ELAVL2: variants seen among roughly 807,000 people sequenced by gnomAD.
ELAVL2 encodes ELAV like RNA binding protein 2.
A neutral mutation model predicts 34.6 loss-of-function variants in ELAVL2; 4 were observed. The ratio of observed to expected loss-of-function variants is 0.12; its 90% CI spans 0.06 to 0.26. The LOEUF is 0.26. Ranked by LOEUF, ELAVL2 falls within the 10% of genes least tolerant of loss-of-function variation. The pLI, the probability that ELAVL2 is intolerant of heterozygous loss-of-function variation, is 1.00. For synonymous variants in ELAVL2, 193 were observed against 154.8 expected (o/e 1.25, Z -1.83); for missense variants, 432 against 442.8 (o/e 0.98, Z 0.22).
chr9:23,717,273 T>C (rs2042556202), intron 3 of ELAVL2, among the ~76,000 whole-genome samples: 2 of 152,298 alleles, frequency 1.3e-5, no homozygotes, highest in South Asian at 2.1e-4. Context: ...ATACCATTTG[T>C]AAATACTTAA....
intron 3 of ELAVL2, among the ~76,000 whole-genome samples, chr9:23,722,250 A>G (rs1203631160): frequency 6.6e-6 from 1 of 152,262 alleles, no homozygotes; most frequent in African/African-American, 2.4e-5. Flanking sequence ...CCTTTAAACT[A>G]GCATCTACGA....
chr9:23,696,729 C>G (rs984184963), intron 5 of ELAVL2, among the ~76,000 whole-genome samples: 1 of 152,066 alleles, frequency 6.6e-6, no homozygotes, highest in Non-Finnish European at 1.5e-5. Context: ...CTTGGCCTCC[C>G]AAAGTGCTGG....
chr9:23,813,837 T>C (rs1588756575), intron 1 of ELAVL2, among the ~76,000 whole-genome samples: 1 of 152,078 alleles, frequency 6.6e-6, no homozygotes, highest in East Asian at 1.9e-4. Context: ...ATACAAGAGA[T>C]CAAACGAATA....
chr9:23,729,082 A>C (rs534096275), intron 3 of ELAVL2, among the ~76,000 whole-genome samples: 6 of 152,190 alleles, frequency 3.9e-5, no homozygotes, highest in Non-Finnish European at 8.8e-5. Flanking sequence ...AGCTGTCATC[A>C]ACTGTCTCCT....
chr9:23,711,611 C>T (rs1310380455), intron 3 of ELAVL2, among the ~76,000 whole-genome samples: 1 of 152,180 alleles, frequency 6.6e-6, no homozygotes. Flanking sequence ...ATGGGTATCA[C>T]CTAGTCCCTA....
chr9:23,807,940 A>G (rs1025995871), intron 1 of ELAVL2, among the ~76,000 whole-genome samples: 2 of 152,172 alleles, frequency 1.3e-5, no homozygotes, highest in Non-Finnish European at 2.9e-5. Context: ...TTTCAGAGTA[A>G]AAGTTGCCAA....
At chr9:23,831,895 A>G in the ELAVL2 span, among the ~76,000 whole-genome samples, 1 of 152,130 alleles carries the variant, frequency 6.6e-6, no homozygotes, top group African/African-American at 2.4e-5. Context: ...CTGTGAGGAG[A>G]AGTGGAAAAG....
chr9:23,766,879 G>A (rs146672950), intron 1 of ELAVL2, among the ~76,000 whole-genome samples: 2 of 151,756 alleles, frequency 1.3e-5, no homozygotes, highest in Non-Finnish European at 2.9e-5. Flanking sequence ...GATTCCACTG[G>A]CTCTGAAACT....
At chr9:23,752,627 G>A (rs1419715514) in intron 2 of ELAVL2, among the ~76,000 whole-genome samples, 2 of 152,010 alleles carry the variant, frequency 1.3e-5, no homozygotes, top group African/African-American at 4.8e-5. Context: ...GCTAATTTTT[G>A]TATTTTTAGT....
chr9:23,822,364 T>C (rs1449155346), intron 1 of ELAVL2, among the ~76,000 whole-genome samples: 1 of 152,116 alleles, frequency 6.6e-6, no homozygotes, highest in Non-Finnish European at 1.5e-5. Context: ...CCAGAGTACC[T>C]GTGCGGGGTG....
chr9:23,830,695 C>G (rs1017453540), upstream of ELAVL2, among the ~76,000 whole-genome samples: 4 of 149,496 alleles, frequency 2.7e-5, no homozygotes, highest in Non-Finnish European at 4.4e-5. Context: ...TGCAGATATT[C>G]AGACTAAGAT....
At chr9:23,726,755 G>A (rs1564109281) in intron 3 of ELAVL2, among the ~76,000 whole-genome samples, 1 of 152,060 alleles carries the variant, frequency 6.6e-6, no homozygotes, top group Non-Finnish European at 1.5e-5. Flanking sequence ...GTCTGACACC[G>A]TTAACCTAAC....
In ELAVL2 at chr9:23,690,362, GA is replaced by G. The variant is rs1286389552; in HGVS notation, c.*2194del. On this transcript the variant is annotated 3_prime_UTR_variant, in exon 7 of 7. Coordinates refer to ENST00000397312, the MANE Select transcript of ELAVL2 (RefSeq NM_004432.5). The stretch of plus-strand genomic sequence containing the variant: ...GCCTTGGTTTGCTACAGTAGTATAG[GA>G]AAGAAGCATGTAGCTGCTGTTTTCC... 6.6e-6 allele frequency: 1 copy of G among 152,542 alleles called. No homozygotes were observed. Among genetic ancestry groups the G allele is most frequent in the East Asian group, 1.9e-4 (1 of 5,190 alleles). 9.4% of individuals were successfully genotyped at this position (152,542 alleles called of 1,614,324 possible). A position where few individuals can be genotyped will look rare whatever the true frequency, so the allele number is the denominator to read the frequency against.
intron 1 of ELAVL2, among the ~76,000 whole-genome samples, chr9:23,773,154 G>C (rs1024353772): frequency 6.6e-6 from 1 of 152,182 alleles, no homozygotes; most frequent in Non-Finnish European, 1.5e-5. Context: ...TGCTAAGGGC[G>C]AGAAGTATCT....
chr9:23,795,438 G>C (rs751929455), intron 1 of ELAVL2, among the ~76,000 whole-genome samples: 26 of 152,118 alleles, frequency 1.7e-4, no homozygotes, highest in Non-Finnish European at 2.8e-4. Context: ...AGCTACTCGC[G>C]AGGCTGTGAC....
intron 1 of ELAVL2, among the ~76,000 whole-genome samples, chr9:23,768,534 CCCA>C (rs1351968207): frequency 6.6e-6 from 1 of 151,476 alleles, no homozygotes; most frequent in Admixed American, 6.6e-5. Context: ...GTTTTTCTAT[CCCA>C]CCAAGTATTT....
intron 1 of ELAVL2, among the ~76,000 whole-genome samples, chr9:23,773,725 T>A (rs911021440): frequency 6.6e-6 from 1 of 152,176 alleles, no homozygotes; most frequent in African/African-American, 2.4e-5. Flanking sequence ...CATTAGCCTT[T>A]GAATTATTTC....
In ELAVL2 at chr9:23,762,217, A is replaced by T. The variant is rs754002382; in HGVS notation, c.18T>A (p.Ser6=). Residue 6 remains serine (S), a synonymous_variant, in exon 2 of 7, where the codon TCT becomes TCA. Transcript: ENST00000397312. The stretch of plus-strand genomic sequence containing the variant: ...CTGTGTTATTGCAAGTTGGCCCATT[A>T]GACAGTTGTGTTTCCATGGCAGCAA... The part of the protein sequence containing the change: METQL[S]NGPTCNNTAN... The T allele has an allele frequency of 1.6e-5, 26 of 1,613,412 alleles. No individual in the cohort carries two copies. Among genetic ancestry groups the T allele is most frequent in the Non-Finnish European group, 1.9e-5 (22 of 1,179,610 alleles).
chr9:23,781,840 AC>A (rs1169500476), intron 1 of ELAVL2, among the ~76,000 whole-genome samples: 1 of 151,638 alleles, frequency 6.6e-6, no homozygotes, highest in African/African-American at 2.4e-5. Context: ...AACCGCCACC[AC>A]GCCCGGCTAA....
Sources: allele counts gnomAD v4.1 joint callset (sites outside exome capture counted in the v4.1 genomes callset), GRCh38; gene constraint gnomAD v4.1.1; transcripts MANE v1.5; gene names NCBI Gene and HGNC (gene_info 2026-07-23, HGNC 2026-07-21).